Variants in PRKD3 observed in about 807,000 individuals in gnomAD.
The protein encoded by PRKD3 is serine/threonine-protein kinase D3.
In PRKD3, 47 loss-of-function variants were observed where a neutral mutation model predicts 99.2. The ratio of observed to expected loss-of-function variants is 0.47; its 90% CI spans 0.38 to 0.60. The LOEUF is 0.60. PRKD3 is among the 20% of genes least tolerant of loss of function. The pLI is 0.00. For missense variants in PRKD3, 1,019 were observed against 1,088.4 expected, an observed-to-expected ratio of 0.94 and a Z score of 0.90; for synonymous variants, 392 against 355.4, an observed-to-expected ratio of 1.10 and a Z score of -1.16.
chr2:37,261,736 C>T (rs576579525), intron 14 of PRKD3, among the ~76,000 whole-genome samples: 10 of 152,066 alleles, frequency 6.6e-5, no homozygotes, highest in African/African-American at 1.9e-4. Flanking sequence ...GCTGAGATTG[C>T]GCCATTGCAC....
rs778689571 is a variant in PRKD3, at chr2:37,289,389, T to C, written c.684A>G (p.Leu228=). 121 of 1,614,054 alleles carry C rather than the reference T, an allele frequency of 7.5e-5. No homozygotes were observed. The highest frequency in any genetic ancestry group is 9.6e-5 in the Non-Finnish European group (113 of 1,180,032). Reference sequence around the variant, plus strand: ...TGGGAAGGGCTACATATTCAGGCTGTAGGGGTCTTGGAACTGAGAGGCCGG... The same window carrying C: ...TGGGAAGGGCTACATATTCAGGCTGCAGGGGTCTTGGAACTGAGAGGCCGG... ...PGPGLSVPRP[L]QPEYVALPSE... The change falls in exon 5 of 19, where the codon CTA becomes CTG. Residue 228 remains leucine (L), a synonymous_variant. Transcript: ENST00000234179.
intron 1 of PRKD3, among the ~76,000 whole-genome samples, chr2:37,319,224 T>C (rs969221803): frequency 6.6e-6 from 1 of 152,142 alleles, no homozygotes; most frequent in African/African-American, 2.4e-5. Flanking sequence ...CTGACAAAAA[T>C]AGTATCCAAG....
intron 9 of PRKD3, among the ~76,000 whole-genome samples, chr2:37,276,684 TAA>T (rs1669584107): frequency 6.6e-6 from 1 of 151,316 alleles, no homozygotes; most frequent in South Asian, 2.1e-4. Flanking sequence ...CTTGAATTTG[TAA>T]AATAATTCTC....
chr2:37,259,719 A>C (rs775250919), intron 15 of PRKD3, 38 bp from the exon 16 acceptor site: 1 of 1,432,578 alleles, frequency 7.0e-7, no homozygotes, highest in South Asian at 1.2e-5. Flanking sequence ...ATGTCTGGAA[A>C]ATCACAAGTA....
At chr2:37,292,341 G>A (rs1670468689) in intron 3 of PRKD3, among the ~76,000 whole-genome samples, 1 of 150,498 alleles carries the variant, frequency 6.6e-6, no homozygotes. Flanking sequence ...TTCCTATCCT[G>A]ATTTTTTCCT....
chr2:37,315,409 AAGAC>A (rs1558582493), intron 2 of PRKD3, among the ~76,000 whole-genome samples: 1 of 152,216 alleles, frequency 6.6e-6, no homozygotes, highest in African/African-American at 2.4e-5. Context: ...TATTTTTTAA[AAGAC>A]AGAAAGCATG....
intron 5 of PRKD3, 144 bp from the exon 6 acceptor site, chr2:37,286,513 T>C (rs1670103253): frequency 7.8e-6 from 5 of 641,376 alleles, no homozygotes; most frequent in African/African-American, 7.4e-5. Flanking sequence ...TCCTTTGCAA[T>C]GTTTAATTTA....
At chr2:37,280,336 C>T (rs536370121) in intron 7 of PRKD3, among the ~76,000 whole-genome samples, 12 of 152,218 alleles carry the variant, frequency 7.9e-5, no homozygotes, top group African/African-American at 2.2e-4. Context: ...TGAGCCACCA[C>T]GCCTGGCCTA....
chr2:37,282,831 G>A (rs775179632), intron 6 of PRKD3, among the ~76,000 whole-genome samples: 4 of 151,930 alleles, frequency 2.6e-5, no homozygotes, highest in Admixed American at 6.6e-5. Flanking sequence ...GTACAACACC[G>A]CCGAAATGTA....
chr2:37,263,004 A>G (rs1668585423), intron 14 of PRKD3, among the ~76,000 whole-genome samples: 1 of 151,048 alleles, frequency 6.6e-6, no homozygotes, highest in East Asian at 1.9e-4. Flanking sequence ...CACACAGCAA[A>G]CCAGCTTTTG....
intron 2 of PRKD3, among the ~76,000 whole-genome samples, chr2:37,308,202 A>G (rs1221206586): frequency 1.3e-5 from 2 of 152,204 alleles, no homozygotes; most frequent in Non-Finnish European, 2.9e-5. Context: ...ACATTAACCT[A>G]TATAATACTT....
At chr2:37,320,879 T>G (rs1349793702) in intron 1 of PRKD3, among the ~76,000 whole-genome samples, 3 of 152,196 alleles carry the variant, frequency 2.0e-5, no homozygotes, top group Non-Finnish European at 4.4e-5. Flanking sequence ...CATATAAAAA[T>G]GATTTTTAAA....
intron 7 of PRKD3, among the ~76,000 whole-genome samples, chr2:37,280,685 T>C (rs11887618): frequency 0.23 from 34,865 of 152,024 alleles, 5,790 homozygotes; most frequent in African/African-American, 0.45. Flanking sequence ...GAGAGTAGAT[T>C]TTTGTGACCT....
At chr2:37,282,219 T>G (rs1669885808) in intron 7 of PRKD3, 1 of 244,952 alleles carries the variant, frequency 4.1e-6, no homozygotes, top group South Asian at 8.3e-5. Flanking sequence ...AAGCAGTTAG[T>G]ACATATTAGA....
intron 1 of PRKD3, among the ~76,000 whole-genome samples, chr2:37,318,516 A>G (rs1354705563): frequency 2.0e-5 from 3 of 152,204 alleles, no homozygotes; most frequent in African/African-American, 7.2e-5. Context: ...ACAAGAACAC[A>G]CTATTTCTCG....
intron 10 of PRKD3, among the ~76,000 whole-genome samples, chr2:37,275,070 A>C (rs527251530): frequency 2.6e-5 from 4 of 152,322 alleles, no homozygotes; most frequent in South Asian, 2.1e-4. Flanking sequence ...AGCAAGTAAG[A>C]AGCAGAAATA....
chr2:37,311,999 G>C (rs1245398847), intron 2 of PRKD3, among the ~76,000 whole-genome samples: 2 of 152,230 alleles, frequency 1.3e-5, no homozygotes, highest in African/African-American at 4.8e-5. Context: ...CATCGAGTTT[G>C]TAAACATCCT....
chr2:37,253,364 A>C lies in PRKD3; in HGVS notation c.2500-14T>G. 1.3e-6 allele frequency: 2 copies of C among 1,588,868 alleles called. No homozygotes were observed. The highest frequency in any genetic ancestry group is 1.7e-4 in the Middle Eastern group (1 of 5,958). ...AGTCTGATAGTCCTAGGAGAAAATG[A>C]AATTGTAATGATGAAACAAAAGAAA... On this transcript the variant is annotated splice_polypyrimidine_tract_variant and intron_variant, in intron 18 of 18. Coordinates refer to ENST00000234179, the MANE Select transcript of PRKD3 (RefSeq NM_005813.6).
Position 37,282,687 on chromosome 2 carries a change from T to C in PRKD3, c.911-68A>G. ...AGCAGTATCAGATATGGTTAGACTT[T>C]CTTTAAATCACTCACAAACAGAATA... On this transcript the variant is annotated intron_variant, in intron 6 of 18. Coordinates refer to ENST00000234179, the MANE Select transcript of PRKD3 (RefSeq NM_005813.6). The C allele has an allele frequency of 2.8e-6, 3 of 1,053,356 alleles. No homozygotes were observed. In the South Asian group the frequency reaches 3.9e-5, roughly 14 times the overall value. 65.3% of individuals were successfully genotyped at this position (1,053,356 alleles called of 1,614,324 possible). A position where few individuals can be genotyped will look rare whatever the true frequency, so the allele number is the denominator to read the frequency against.
Sources: gnomAD v4.1 joint callset for allele counts (sites outside exome capture counted in the v4.1 genomes callset) on GRCh38, gnomAD v4.1.1 for gene constraint, MANE v1.5 for transcripts, NCBI Gene and HGNC (gene_info 2026-07-23, HGNC 2026-07-21) for gene names.